Variants in GLI3 observed in about 807,000 individuals in gnomAD.
GLI3 encodes the protein transcription activator GLI3.
In GLI3, 20 loss-of-function variants were observed where a neutral mutation model predicts 100.8. The ratio of observed to expected loss-of-function variants is 0.20; its 90% CI spans 0.14 to 0.29. The LOEUF (loss-of-function observed/expected upper bound fraction) is 0.29. Ranked by LOEUF, GLI3 falls within the 10% of genes least tolerant of loss-of-function variation. The pLI is 1.00. For missense variants in GLI3, 2,040 were observed against 2,128.5 expected (o/e 0.96, Z 0.82); for synonymous variants, 938 against 860.5 (o/e 1.09, Z -1.58).
At chr7:42,109,776 C>T (rs934625466) in intron 3 of GLI3, among the ~76,000 whole-genome samples, 16 of 152,184 alleles carry the variant, frequency 1.1e-4, no homozygotes, top group African/African-American at 3.1e-4. Flanking sequence ...TGGACATCTT[C>T]CTGGCAGAGG....
chr7:42,026,620 C>T (rs1024353547), intron 7 of GLI3, among the ~76,000 whole-genome samples: 11 of 152,178 alleles, frequency 7.2e-5, no homozygotes, highest in Non-Finnish European at 1.2e-4. Context: ...CACACATACA[C>T]GCAGACCTAA....
At chr7:42,246,988 G>A (rs761229827) in intron 1 of GLI3, among the ~76,000 whole-genome samples, 2 of 151,934 alleles carry the variant, frequency 1.3e-5, no homozygotes, top group African/African-American at 4.8e-5. Context: ...TGAATGTGGT[G>A]GTTCCATTAA....
chr7:42,062,588 G>A (rs1235123132), intron 4 of GLI3, among the ~76,000 whole-genome samples: 1 of 113,898 alleles, frequency 8.8e-6, no homozygotes, highest in Non-Finnish European at 1.9e-5. Flanking sequence ...TTACCAGTGA[G>A]TTCACAGCTA....
intron 10 of GLI3, 126 bp downstream of exon 10, chr7:42,023,342 T>C (rs1788997406): frequency 1.1e-6 from 1 of 934,710 alleles, no homozygotes; most frequent in Non-Finnish European, 1.7e-6. Flanking sequence ...CAGAAAGTCA[T>C]AAAGCCCTCT....
In GLI3 at chr7:41,968,043, A is replaced by C. The variant is rs1191111898; in HGVS notation, c.2104-120T>G. 3.4e-6 allele frequency: 3 copies of C among 876,576 alleles called. No homozygotes were observed. The South Asian group carries it at 4.0e-5, about 12-fold the overall frequency. 54.3% of individuals were successfully genotyped at this position (876,576 alleles called of 1,614,324 possible). On this transcript the variant is annotated intron_variant, in intron 13 of 14. Coordinates refer to ENST00000395925, the MANE Select transcript of GLI3 (RefSeq NM_000168.6). ...GATCATCAGTTGGTTGAATGAGAAG[A>C]AAAACTATGTTCTGGTGAATGGAGC...
upstream of GLI3, among the ~76,000 whole-genome samples, chr7:42,238,071 A>G (rs1359616996): frequency 7.0e-6 from 1 of 142,226 alleles, no homozygotes; most frequent in African/African-American, 2.7e-5. Context: ...CTTCACACAG[A>G]CACATTCATG....
rs1378622016 is a variant in GLI3, at chr7:42,093,474, G to A, written c.368-16617C>T. ...CCCCATATATACGGTTACCACAATCGTAGACAGTAACATCAAATAAAAATG... is the reference window on the plus strand; with the variant it reads ...CCCCATATATACGGTTACCACAATCATAGACAGTAACATCAAATAAAAATG... On this transcript the variant is annotated intron_variant, in intron 3 of 14. Coordinates refer to ENST00000395925, the MANE Select transcript of GLI3 (RefSeq NM_000168.6). Among the ~76,000 whole-genome samples the A allele has an allele frequency of 6.0e-5, 9 of 151,218 alleles. No homozygotes were observed. The South Asian group carries it at 8.4e-4, about 14-fold the overall frequency.
At chr7:42,031,591 C>T (rs1197600772) in intron 7 of GLI3, among the ~76,000 whole-genome samples, 1 of 152,168 alleles carries the variant, frequency 6.6e-6, no homozygotes, top group Non-Finnish European at 1.5e-5. Context: ...CTTTGAGAAA[C>T]ATTCTTCTAG....
intron 3 of GLI3, among the ~76,000 whole-genome samples, chr7:42,100,444 G>A (rs754744006): frequency 6.6e-6 from 1 of 152,102 alleles, no homozygotes; most frequent in Non-Finnish European, 1.5e-5. Flanking sequence ...CTTTATAAGA[G>A]GGGATCTGTG....
At chr7:42,145,625 A>AG in intron 3 of GLI3, 2 of 394,670 alleles carry the variant, frequency 5.1e-6, no homozygotes, top group Non-Finnish European at 8.9e-6. Flanking sequence ...AAAGAAAGAA[A>AG]AAAAAAAAAA....
In GLI3 at chr7:41,962,306, C is replaced by CTGGAGATT. The variant is rs1397809658; in HGVS notation, c.*2016_*2023dup. 1.3e-5 allele frequency: 2 copies of CTGGAGATT among 152,186 alleles called. No individual in the cohort carries two copies. Among genetic ancestry groups the CTGGAGATT allele is most frequent in the African/African-American group, 4.8e-5 (2 of 41,440 alleles). 9.4% of individuals were successfully genotyped at this position (152,186 alleles called of 1,614,324 possible). On this transcript the variant is annotated 3_prime_UTR_variant, in exon 15 of 15. Coordinates refer to ENST00000395925, the MANE Select transcript of GLI3 (RefSeq NM_000168.6). Reference sequence around the variant, plus strand: ...AACCATTAGAGCACACAAGATAAGACTGGAGATTTGGAGATTTGTGGAAAA... The same window carrying CTGGAGATT: ...AACCATTAGAGCACACAAGATAAGACTGGAGATTTGGAGATTTGGAGATTTGTGGAAAA...
chr7:42,046,097 C>T (rs1456106050), intron 5 of GLI3, among the ~76,000 whole-genome samples: 2 of 152,184 alleles, frequency 1.3e-5, no homozygotes, highest in East Asian at 3.8e-4. Flanking sequence ...TTTTCCTTTT[C>T]TTCATTACAA....
intron 12 of GLI3, 24 bp downstream of exon 12, chr7:41,977,534 T>C: frequency 2.5e-6 from 4 of 1,611,820 alleles, no homozygotes; most frequent in Non-Finnish European, 3.4e-6. Context: ...TTATGCAAGC[T>C]CCATGCCCAC....
intron 10 of GLI3, among the ~76,000 whole-genome samples, chr7:41,986,856 C>A (rs1787839414): frequency 6.6e-6 from 1 of 150,766 alleles, no homozygotes. Flanking sequence ...CCCCCCACCC[C>A]CACCCCACGC....
At chr7:42,090,040 T>C (rs887670933) in intron 3 of GLI3, among the ~76,000 whole-genome samples, 2 of 152,216 alleles carry the variant, frequency 1.3e-5, no homozygotes, top group African/African-American at 2.4e-5. Flanking sequence ...GTCCCCATAC[T>C]GAATCCTGTA....
intron 3 of GLI3, among the ~76,000 whole-genome samples, chr7:42,110,044 T>C (rs1279275464): frequency 6.6e-6 from 1 of 152,190 alleles, no homozygotes; most frequent in Admixed American, 6.5e-5. Context: ...GGCTTTGTTT[T>C]ATTATAACAG....
At position 41,965,959 on chromosome 7, in the gene GLI3, G is replaced by A. The variant is rs763438834; in HGVS notation, c.3114C>T (p.Ser1038=). Residue 1038 remains serine (S), a synonymous_variant, in exon 15 of 15, where the codon TCC becomes TCT. Coordinates refer to ENST00000395925, the MANE Select transcript of GLI3 (RefSeq NM_000168.6). The stretch of plus-strand genomic sequence containing the variant: ...GAAGCACGAGACTGCGCTTCTCCGC[G>A]GACGTGGCCATCGCCGGGGGGTTGC... ...SSCNPPAMAT[S]AEKRSLVLQN... 4 of 1,610,748 alleles carry A rather than the reference G, an allele frequency of 2.5e-6. No individual in the cohort carries two copies. In the East Asian group the frequency reaches 8.9e-5, roughly 36 times the overall value.
chr7:42,050,427 C>T (rs1387903528), intron 4 of GLI3, among the ~76,000 whole-genome samples: 2 of 152,190 alleles, frequency 1.3e-5, no homozygotes, highest in Non-Finnish European at 2.9e-5. Context: ...AACAAGTTGG[C>T]TTTCTGTTCT....
At chr7:41,977,510 A>T in intron 12 of GLI3, 48 bp downstream of exon 12, 1 of 1,586,162 alleles carries the variant, frequency 6.3e-7, no homozygotes, top group Non-Finnish European at 8.7e-7. Context: ...TCCCCGGGAT[A>T]GTTCTTTGTT....
Sources: allele counts gnomAD v4.1 joint callset (sites outside exome capture counted in the v4.1 genomes callset), GRCh38; gene constraint gnomAD v4.1.1; transcripts MANE v1.5; gene names NCBI Gene and HGNC (gene_info 2026-07-23, HGNC 2026-07-21).